GDPD5: variants seen among roughly 807,000 people sequenced by gnomAD.
The protein encoded by GDPD5 is glycerophosphodiester phosphodiesterase domain containing 5.
Under a neutral mutation model 75.1 loss-of-function variants are expected in GDPD5, and 48 were observed. That is an observed-to-expected ratio of 0.64 (90% CI 0.51 to 0.81). GDPD5 has a LOEUF of 0.81. GDPD5 is among the 40% of genes least tolerant of loss of function. GDPD5 has a pLI of 0.00. For synonymous variants in GDPD5, 336 were observed against 339.0 expected (o/e 0.99, Z 0.10); for missense variants, 706 against 822.6 (o/e 0.86, Z 1.73).
intron 3 of GDPD5, among the ~76,000 whole-genome samples, chr11:75,463,098 G>A (rs1949448713): frequency 6.6e-6 from 1 of 152,228 alleles, no homozygotes; most frequent in Admixed American, 6.5e-5. Context: ...GAAAGGTGGA[G>A]AGCCAGGGGC....
intron 2 of GDPD5, among the ~76,000 whole-genome samples, chr11:75,486,754 C>G (rs1356990385): frequency 6.6e-6 from 1 of 152,226 alleles, no homozygotes; most frequent in Non-Finnish European, 1.5e-5. Flanking sequence ...GTCACTATCT[C>G]TTCTGGATCC....
At chr11:75,478,886 C>T (rs190437514) in intron 2 of GDPD5, among the ~76,000 whole-genome samples, 1 of 152,228 alleles carries the variant, frequency 6.6e-6, no homozygotes, top group Non-Finnish European at 1.5e-5. Flanking sequence ...GAACAAGGAG[C>T]AATGCCTGGC....
intron 9 of GDPD5, chr11:75,448,595 T>C (rs1371516255): frequency 3.9e-6 from 4 of 1,012,698 alleles, no homozygotes; most frequent in Non-Finnish European, 3.5e-6. Flanking sequence ...CCGTACTCAC[T>C]GTCACAGTGG....
At chr11:75,453,931 C>T (rs1000069973) in intron 6 of GDPD5, among the ~76,000 whole-genome samples, 1 of 152,108 alleles carries the variant, frequency 6.6e-6, no homozygotes, top group Non-Finnish European at 1.5e-5. Context: ...TACCAAGTGA[C>T]ACCATAGAAA....
chr11:75,473,072 C>T (rs567768374), intron 3 of GDPD5, among the ~76,000 whole-genome samples: 23 of 151,908 alleles, frequency 1.5e-4, no homozygotes, highest in Non-Finnish European at 2.9e-4. Flanking sequence ...GTGAGGTTAT[C>T]CTGTGGATGC....
rs1382553455 is a variant in GDPD5 at position 75,435,372 on chromosome 11, T to C, written c.*135A>G. 5 of 783,030 alleles carry C rather than the reference T, an allele frequency of 6.4e-6. No individual in the cohort carries two copies. Among genetic ancestry groups the C allele is most frequent in the African/African-American group, 3.5e-5 (2 of 57,736 alleles). The allele number at this position is 783,030 out of a possible 1,614,324, so 48.5% of individuals were successfully genotyped here. ...AGTCCCCCTCAAGAGAGGCTGCGGCTGACAAGGGGCTGGAGCCCACAAGGA... is the reference window on the plus strand; with the variant it reads ...AGTCCCCCTCAAGAGAGGCTGCGGCCGACAAGGGGCTGGAGCCCACAAGGA... On this transcript the variant is annotated 3_prime_UTR_variant, in exon 17 of 17. Transcript: ENST00000336898.
chr11:75,435,647 C>T lies in GDPD5; in HGVS notation c.1678G>A (p.Asp560Asn), dbSNP rs369743472. 14 of 1,607,332 alleles carry T rather than the reference C, an allele frequency of 8.7e-6. No homozygotes were observed. The highest frequency in any genetic ancestry group is 5.5e-5 in the South Asian group (5 of 90,144). Residue 560 changes from aspartate to asparagine, a missense_variant, in exon 17 of 17, where the codon GAT becomes AAT. By Grantham distance (23) the Asp-to-Asn change is conservative. Coordinates refer to ENST00000336898, the MANE Select transcript of GDPD5 (RefSeq NM_030792.8). Reference protein sequence around the residue: ...KEKLIFSEISDGVEVSDVLSV... With the variant: ...KEKLIFSEISNGVEVSDVLSV... ...AGCACATCGGAGACCTCTACACCAT[C>T]GCTGATCTCTGCTGGGCCAGAGGGA...
intron 1 of GDPD5, among the ~76,000 whole-genome samples, chr11:75,509,852 G>C (rs1255564670): frequency 6.6e-6 from 1 of 152,132 alleles, no homozygotes; most frequent in Non-Finnish European, 1.5e-5. Context: ...GCTAATTTTT[G>C]TATTTTTAGT....
intron 1 of GDPD5, among the ~76,000 whole-genome samples, chr11:75,505,969 T>G (rs1950389491): frequency 6.6e-6 from 1 of 152,104 alleles, no homozygotes; most frequent in African/African-American, 2.4e-5. Flanking sequence ...CCCTAGTTTC[T>G]CCCTCAGAAG....
intron 1 of GDPD5, among the ~76,000 whole-genome samples, chr11:75,523,830 C>G (rs954632434): frequency 3.3e-5 from 5 of 152,258 alleles, no homozygotes; most frequent in Admixed American, 2.6e-4. Flanking sequence ...CTTCCACCCC[C>G]AGGGATTGAG....
chr11:75,449,413 C>T (rs978849698), intron 8 of GDPD5, 104 bp downstream of exon 8: 6 of 1,216,830 alleles, frequency 4.9e-6, no homozygotes, highest in Middle Eastern at 2.5e-4. Context: ...GGGGCCCCAC[C>T]CCATCCCCAG....
At chr11:75,463,408 C>T (rs554373733) in intron 3 of GDPD5, among the ~76,000 whole-genome samples, 3 of 152,288 alleles carry the variant, frequency 2.0e-5, no homozygotes, top group Admixed American at 1.3e-4. Context: ...TCTGCTGCCT[C>T]CACTGGGCCA....
chr11:75,462,332 G>A (rs1029987634), intron 4 of GDPD5, among the ~76,000 whole-genome samples: 7 of 152,142 alleles, frequency 4.6e-5, no homozygotes, highest in Admixed American at 3.3e-4. Context: ...TCTTCAGGAG[G>A]CCAGGAATGC....
chr11:75,457,661 G>A (rs573517438), intron 5 of GDPD5, 32 bp downstream of exon 5: 2 of 1,599,740 alleles, frequency 1.3e-6, no homozygotes, highest in South Asian at 1.1e-5. Context: ...CTGGGAGCAG[G>A]GCCACCTGCC....
chr11:75,473,306 T>C (rs1371088107), intron 3 of GDPD5, among the ~76,000 whole-genome samples: 2 of 151,978 alleles, frequency 1.3e-5, no homozygotes, highest in Non-Finnish European at 2.9e-5. Context: ...AACGCTGTAC[T>C]CTCACTCGCT....
intron 1 of GDPD5, among the ~76,000 whole-genome samples, chr11:75,511,604 T>C (rs1343385685): frequency 6.6e-6 from 1 of 152,130 alleles, no homozygotes. Flanking sequence ...ATAGTGCGCC[T>C]GGGTCCAGGC....
chr11:75,459,216 A>T (rs1949358893), intron 4 of GDPD5, among the ~76,000 whole-genome samples: 1 of 152,210 alleles, frequency 6.6e-6, no homozygotes. Flanking sequence ...ATAGTTTCTA[A>T]TTCTTCACAA....
intron 1 of GDPD5, chr11:75,508,986 A>G (rs1347448766): frequency 6.6e-6 from 1 of 152,276 alleles, no homozygotes; most frequent in African/African-American, 2.4e-5. Context: ...AGCAGTGTCC[A>G]CATTGAAGAT....
chr11:75,499,406 T>C (rs1244867316), intron 1 of GDPD5, among the ~76,000 whole-genome samples: 29 of 150,856 alleles, frequency 1.9e-4, no homozygotes, highest in Admixed American at 3.9e-4. Flanking sequence ...TTTTTTTTTT[T>C]TTTTTTTTTT....
Sources: allele counts gnomAD v4.1 joint callset (sites outside exome capture counted in the v4.1 genomes callset), GRCh38; gene constraint gnomAD v4.1.1; transcripts MANE v1.5; gene names NCBI Gene and HGNC (gene_info 2026-07-23, HGNC 2026-07-21).